The following PCDH15 variants were observed in gnomAD, a reference collection of about 807,000 sequenced individuals.
PCDH15 encodes protocadherin related 15, also known as protocadherin-15.
A neutral mutation model predicts 178.5 loss-of-function variants in PCDH15; 129 were observed. That is an observed-to-expected ratio of 0.72 (90% CI 0.63 to 0.84). PCDH15 has a LOEUF of 0.84. PCDH15 is among the 40% of genes least tolerant of loss of function. PCDH15 has a pLI of 0.00. For missense variants in PCDH15, 2,230 were observed against 2,099.9 expected, an observed-to-expected ratio of 1.06 and a Z score of -1.21; for synonymous variants, 800 against 732.0, an observed-to-expected ratio of 1.09 and a Z score of -1.50.
chr10:54,073,590 T>C (rs954063692), intron 17 of PCDH15, among the ~76,000 whole-genome samples: 1 of 152,200 alleles, frequency 6.6e-6, no homozygotes, highest in African/African-American at 2.4e-5. Context: ...CTAAGTCTTC[T>C]AGCAATCTGA....
At chr10:54,693,751 G>A (rs1174923253) in intron 1 of PCDH15, among the ~76,000 whole-genome samples, 1 of 152,092 alleles carries the variant, frequency 6.6e-6, no homozygotes, top group Non-Finnish European at 1.5e-5. Flanking sequence ...AGTTTTAGAT[G>A]GAAGAGGGAG....
At chr10:54,201,679 T>A (rs2050242485) in intron 10 of PCDH15, among the ~76,000 whole-genome samples, 1 of 152,186 alleles carries the variant, frequency 6.6e-6, no homozygotes, top group Admixed American at 6.5e-5. Flanking sequence ...CTTTAAATAT[T>A]TTTTTAAAAA....
chr10:54,027,821 C>A (rs1482074809), intron 18 of PCDH15, among the ~76,000 whole-genome samples: 74 of 138,808 alleles, frequency 5.3e-4, no homozygotes, highest in African/African-American at 1.8e-3. Flanking sequence ...AACGTTAGAC[C>A]TAAAACCATA....
chr10:55,240,266 T>C (rs1841506607), intron 1 of PCDH15, among the ~76,000 whole-genome samples: 1 of 152,204 alleles, frequency 6.6e-6, no homozygotes. Context: ...TACAAATTTG[T>C]ATTTAATATA....
intron 18 of PCDH15, among the ~76,000 whole-genome samples, chr10:54,041,924 T>C (rs1283280984): frequency 6.6e-6 from 1 of 152,102 alleles, no homozygotes; most frequent in Non-Finnish European, 1.5e-5. Flanking sequence ...GAAATGACAA[T>C]AGATACAGTA....
intron 1 of PCDH15, among the ~76,000 whole-genome samples, chr10:55,208,597 C>T (rs745328892): frequency 6.6e-6 from 1 of 151,904 alleles, no homozygotes; most frequent in African/African-American, 2.4e-5. Flanking sequence ...TTCTAAAATT[C>T]CCTTCTCACT....
intron 5 of PCDH15, among the ~76,000 whole-genome samples, chr10:54,353,554 G>A (rs1366284282): frequency 1.3e-5 from 2 of 151,890 alleles, no homozygotes; most frequent in East Asian, 3.8e-4. Flanking sequence ...AGATGCAGCT[G>A]CTTTTGACTT....
At position 54,236,825 on chromosome 10, in the gene PCDH15, A is replaced by G. The variant is rs756600747; in HGVS notation, c.983T>C (p.Val328Ala). 3 of 1,608,574 alleles carry G rather than the reference A, an allele frequency of 1.9e-6. No individual in the cohort carries two copies. The highest frequency in any genetic ancestry group is 1.1e-5 in the South Asian group (1 of 90,962). The change falls in exon 9 of 38, where the codon GTT (valine) becomes GCT (alanine). Residue 328 changes from valine (V) to alanine (A), a missense_variant and splice_region_variant. Physicochemically the swap from Val to Ala is moderately conservative, Grantham distance 64. Transcript: ENST00000644397. ...GTAAAATGTTATCAGATACAAACCA[A>G]CAAGGATGGAATAGAGGATTCCTGG... is the stretch of plus-strand genomic sequence containing the variant. ...DRPGILYSIL[V>A]GTPEDYPRFF... is the part of the protein sequence containing the mutation.
At chr10:53,966,744 C>T (rs1220236272) in intron 21 of PCDH15, among the ~76,000 whole-genome samples, 1 of 151,782 alleles carries the variant, frequency 6.6e-6, no homozygotes, top group Admixed American at 6.6e-5. Flanking sequence ...CTTTATTCCA[C>T]TAAAATATAA....
intron 11 of PCDH15, among the ~76,000 whole-genome samples, chr10:54,190,607 T>A (rs1174046459): frequency 6.6e-6 from 1 of 152,156 alleles, no homozygotes; most frequent in Admixed American, 6.6e-5. Context: ...CATCTCCATA[T>A]GTAGCCAAGG....
intron 3 of PCDH15, among the ~76,000 whole-genome samples, chr10:54,471,870 T>C (rs1239993345): frequency 6.6e-6 from 1 of 152,156 alleles, no homozygotes; most frequent in Non-Finnish European, 1.5e-5. Context: ...TAGAGCTGTA[T>C]ATTTTTAAAC....
At chr10:54,641,196 T>C (rs1200609671) in intron 2 of PCDH15, 1 of 162,118 alleles carries the variant, frequency 6.2e-6, no homozygotes, top group Non-Finnish European at 1.4e-5. Flanking sequence ...TAAATAAAGC[T>C]TTTCTAAGAA....
At chr10:55,350,292 T>C (rs937123278) in intron 2 of PCDH15, among the ~76,000 whole-genome samples, 20 of 121,408 alleles carry the variant, frequency 1.6e-4, no homozygotes, top group African/African-American at 4.1e-4. Flanking sequence ...CACACATACA[T>C]ACACACACAA....
chr10:54,648,030 A>C (rs2094170190), intron 2 of PCDH15, among the ~76,000 whole-genome samples: 2 of 152,102 alleles, frequency 1.3e-5, no homozygotes, highest in African/African-American at 4.8e-5. Flanking sequence ...TTCCTTTTCA[A>C]GGTTAGGAAA....
chr10:55,060,291 G>C (rs894178204), intron 2 of PCDH15, among the ~76,000 whole-genome samples: 2 of 151,954 alleles, frequency 1.3e-5, no homozygotes, highest in Non-Finnish European at 2.9e-5. Flanking sequence ...AGTATTTATT[G>C]ATATTATTAA....
chr10:54,180,742 A>G (rs2047912931), intron 13 of PCDH15, among the ~76,000 whole-genome samples: 1 of 152,202 alleles, frequency 6.6e-6, no homozygotes, highest in South Asian at 2.1e-4. Context: ...TAGCGAGACC[A>G]TTCTTCTACC....
At chr10:53,837,520 A>T (rs1461604230) in intron 29 of PCDH15, among the ~76,000 whole-genome samples, 2 of 152,182 alleles carry the variant, frequency 1.3e-5, no homozygotes, top group African/African-American at 4.8e-5. Context: ...GTAAGTTCCC[A>T]GGACAAATTA....
intron 8 of PCDH15, among the ~76,000 whole-genome samples, chr10:54,282,022 C>G (rs555046804): frequency 6.6e-6 from 1 of 152,098 alleles, no homozygotes; most frequent in South Asian, 2.1e-4. Context: ...CCAGACATAA[C>G]AGTTGACTTT....
At chr10:54,207,880 T>C (rs2050986482) in intron 10 of PCDH15, among the ~76,000 whole-genome samples, 1 of 152,092 alleles carries the variant, frequency 6.6e-6, no homozygotes, top group South Asian at 2.1e-4. Flanking sequence ...TATGTTCAAA[T>C]TTCCTAACAT....
Sources: allele counts gnomAD v4.1 joint callset (sites outside exome capture counted in the v4.1 genomes callset), GRCh38; gene constraint gnomAD v4.1.1; transcripts MANE v1.5; gene names NCBI Gene and HGNC (gene_info 2026-07-23, HGNC 2026-07-21).